The following AGAP1 variants were observed in gnomAD, a reference collection of about 807,000 sequenced individuals.
AGAP1 encodes the protein arf-GAP with GTPase, ANK repeat and PH domain-containing protein 1.
In AGAP1, 29 loss-of-function variants were observed where a neutral mutation model predicts 105.3. The observed-to-expected ratio is 0.28, with a 90% CI of 0.21 to 0.38. The LOEUF is 0.38. Ranked by LOEUF, AGAP1 falls within the 10% of genes least tolerant of loss-of-function variation. The probability of loss-of-function intolerance (pLI) is 1.00; values close to 1 mark genes in which losing one functional copy is unlikely to be tolerated. For missense variants in AGAP1, 998 were observed against 1,165.1 expected, an observed-to-expected ratio of 0.86 and a Z score of 2.09; for synonymous variants, 509 against 485.9, an observed-to-expected ratio of 1.05 and a Z score of -0.63.
chr2:235,946,689 A>G (rs1468760719), intron 12 of AGAP1, among the ~76,000 whole-genome samples: 4 of 152,212 alleles, frequency 2.6e-5, no homozygotes, highest in Non-Finnish European at 5.9e-5. Context: ...GAGGCTGGGC[A>G]GCCATTCAAG....
At chr2:235,706,448 T>C (rs1950539879) in intron 1 of AGAP1, among the ~76,000 whole-genome samples, 1 of 152,004 alleles carries the variant, frequency 6.6e-6, no homozygotes, top group South Asian at 2.1e-4. Flanking sequence ...CAGGATGATC[T>C]TGATCTCCTG....
chr2:235,718,370 A>C, intron 3 of AGAP1: 2 of 985,712 alleles, frequency 2.0e-6, no homozygotes, highest in Non-Finnish European at 2.4e-6. Flanking sequence ...TGGCTGTTCC[A>C]TTCTTTGCAG....
intron 13 of AGAP1, among the ~76,000 whole-genome samples, chr2:236,016,692 C>T (rs1258203090): frequency 3.3e-5 from 5 of 152,112 alleles, no homozygotes; most frequent in South Asian, 2.1e-4. Context: ...CCCAGCACCT[C>T]GGAGGGGTGG....
chr2:235,999,296 GTGGTGA>G (rs199667829), intron 13 of AGAP1, among the ~76,000 whole-genome samples: 49,692 of 129,442 alleles, frequency 0.38, 11,424 homozygotes, highest in African/African-American at 0.69. Flanking sequence ...AGAGGTGGTG[GTGGTGA>G]TGGTGATGGT....
rs2049090775 is a variant in AGAP1, at chr2:235,864,961, G to A, written c.1051-18384G>A. 6.6e-6 allele frequency among the ~76,000 whole-genome samples: 1 copy of A among 152,066 alleles called. No individual in the cohort carries two copies. The highest frequency in any genetic ancestry group is 2.1e-4 in the South Asian group (1 of 4,820). ...CGTCGGCATTACTCATCGTCAACATGGGTTTTTAAAAGGGAAGGAGAGAAA... is the reference window on the plus strand; with the variant it reads ...CGTCGGCATTACTCATCGTCAACATAGGTTTTTAAAAGGGAAGGAGAGAAA... On this transcript the variant is annotated intron_variant, in intron 9 of 17. Transcript: ENST00000304032. This position sits in a 1 kb window ranked among gnomAD's most constrained non-coding sequence, Gnocchi z 5.0.
intron 9 of AGAP1, among the ~76,000 whole-genome samples, chr2:235,856,254 G>C (rs1295129023): frequency 1.3e-5 from 2 of 152,166 alleles, no homozygotes; most frequent in African/African-American, 4.8e-5. Flanking sequence ...CATCACTGAA[G>C]CTATAGCTTC....
chr2:235,693,960 A>G (rs1441949459), intron 1 of AGAP1, among the ~76,000 whole-genome samples: 1 of 152,228 alleles, frequency 6.6e-6, no homozygotes, highest in Non-Finnish European at 1.5e-5. Context: ...ATTTTATAAA[A>G]AGTAACAGAA....
At chr2:235,575,369 T>G (rs1239946841) in intron 1 of AGAP1, among the ~76,000 whole-genome samples, 1 of 152,230 alleles carries the variant, frequency 6.6e-6, no homozygotes, top group Admixed American at 6.5e-5. Context: ...AACTTAAGAT[T>G]TGAAAGAATT....
At chr2:235,594,262 A>G (rs1001018025) in intron 1 of AGAP1, among the ~76,000 whole-genome samples, 11 of 151,270 alleles carry the variant, frequency 7.3e-5, no homozygotes, top group Admixed American at 7.3e-4. Context: ...GAAGATTATA[A>G]TATCTGTAGC....
chr2:235,641,434 AT>A (rs57323978), intron 1 of AGAP1, among the ~76,000 whole-genome samples: 5,434 of 123,180 alleles, frequency 0.044, 267 homozygotes, highest in African/African-American at 0.13. Context: ...CCCCGACCCG[AT>A]TTTTTTTTTT....
chr2:235,824,887 T>G lies in AGAP1; in HGVS notation c.1050+17556T>G, dbSNP rs1433823831. 3.3e-5 allele frequency among the ~76,000 whole-genome samples: 5 copies of G among 152,314 alleles called. No homozygotes were observed. The East Asian group carries it at 9.7e-4, about 29-fold the overall frequency. ...ATAATTTCAGGAAAAGGAAAGCATG[T>G]TTTTATGTCTCACGTTTACAGGCGC... On this transcript the variant is annotated intron_variant, in intron 9 of 17. Coordinates refer to ENST00000304032, the MANE Select transcript of AGAP1 (RefSeq NM_001037131.3). The surrounding 1 kb of genome is among the most constrained non-coding windows in gnomAD (Gnocchi z 5.2).
At chr2:236,064,057 C>T (rs2058280235) in intron 16 of AGAP1, among the ~76,000 whole-genome samples, 1 of 152,186 alleles carries the variant, frequency 6.6e-6, no homozygotes, top group South Asian at 2.1e-4. Flanking sequence ...CATGCTGATC[C>T]TTGCCATCTT....
In AGAP1 at chr2:235,494,744, T is replaced by C; in HGVS notation, c.58T>C (p.Phe20Leu). 1 of 1,570,990 alleles carries C rather than the reference T, an allele frequency of 6.4e-7. No homozygotes were observed. Among genetic ancestry groups the C allele is most frequent in the East Asian group, 2.5e-5 (1 of 39,586 alleles). ...SAAIRAEIQR[F>L]ESVHPNIYSI... ...TGCCATCCGGGCCGAGATCCAGCGC[T>C]TCGAGTCGGTCCACCCCAACATCTA... Residue 20 changes from phenylalanine to leucine, a missense_variant, in exon 1 of 18, where the codon TTC (phenylalanine) becomes CTC (leucine). By Grantham distance (22) the Phe-to-Leu change is conservative. This residue lies in a region of AGAP1 where 735 missense variants were observed against 833.4 expected (regional missense o/e 0.88). Coordinates refer to ENST00000304032, the MANE Select transcript of AGAP1 (RefSeq NM_001037131.3).
rs903250599 is a variant in AGAP1 at position 235,875,612 on chromosome 2, G to A, written c.1051-7733G>A. Among the ~76,000 whole-genome samples the A allele has an allele frequency of 6.6e-6, 1 of 152,152 alleles. No individual in the cohort carries two copies. The highest frequency in any genetic ancestry group is 2.4e-5 in the African/African-American group (1 of 41,436). On this transcript the variant is annotated intron_variant, in intron 9 of 17. Transcript: ENST00000304032. The surrounding 1 kb of genome is among the most constrained non-coding windows in gnomAD (Gnocchi z 4.0). Reference sequence around the variant, plus strand: ...GTTCCGCCTGCAGCCCGGGCCTGTGGTGGAGTAGAGCTTCTCTCCCCAGCT... The same window carrying A: ...GTTCCGCCTGCAGCCCGGGCCTGTGATGGAGTAGAGCTTCTCTCCCCAGCT...
rs758497082 is a variant in AGAP1 at position 235,993,523 on chromosome 2, A to G, written c.1645+24900A>G. On this transcript the variant is annotated intron_variant, in intron 13 of 17. Coordinates refer to ENST00000304032, the MANE Select transcript of AGAP1 (RefSeq NM_001037131.3). This position sits in a 1 kb window ranked among gnomAD's most constrained non-coding sequence, Gnocchi z 5.0. Reference sequence around the variant, plus strand: ...GAGGTAGTAATTGGATTTGCGATGTATTTCTTTTCTGCAAGTATGGTTTTG... The same window carrying G: ...GAGGTAGTAATTGGATTTGCGATGTGTTTCTTTTCTGCAAGTATGGTTTTG... Among the ~76,000 whole-genome samples the G allele has an allele frequency of 1.3e-5, 2 of 152,170 alleles. No homozygotes were observed. The highest frequency in any genetic ancestry group is 1.9e-4 in the East Asian group (1 of 5,188).
intron 10 of AGAP1, among the ~76,000 whole-genome samples, chr2:235,896,658 C>T (rs1475149292): frequency 1.3e-5 from 2 of 152,228 alleles, no homozygotes; most frequent in Admixed American, 6.5e-5. Flanking sequence ...GTTTGCTAAG[C>T]ACCTGGGTGA....
chr2:235,819,230 C>G (rs1958641578), intron 9 of AGAP1, among the ~76,000 whole-genome samples: 1 of 151,288 alleles, frequency 6.6e-6, no homozygotes, highest in Non-Finnish European at 1.5e-5. Context: ...ATCCTCATAA[C>G]AGCCTCCCAA....
intron 11 of AGAP1, among the ~76,000 whole-genome samples, chr2:235,913,239 T>C (rs954356599): frequency 3.9e-5 from 6 of 152,312 alleles, no homozygotes; most frequent in Non-Finnish European, 5.9e-5. Context: ...ATTGTTTTTT[T>C]CCCTTAAAAA....
intron 8 of AGAP1, among the ~76,000 whole-genome samples, chr2:235,802,690 GGTGATGATGGTTGTGATA>G (rs1957555809): frequency 6.7e-6 from 1 of 149,248 alleles, no homozygotes; most frequent in African/African-American, 2.5e-5. Flanking sequence ...TGGTTGTGGT[GGTGATGATGGTTGTGATA>G]ATGATGGTTG....
Sources: gnomAD v4.1 joint callset for allele counts (sites outside exome capture counted in the v4.1 genomes callset) on GRCh38, gnomAD v4.1.1 for gene constraint, gnomAD v4.1.1 regional missense constraint, Gnocchi (gnomAD v3.1) non-coding constraint, MANE v1.5 for transcripts, NCBI Gene and HGNC (gene_info 2026-07-23, HGNC 2026-07-21) for gene names.